The following SPAST variants were observed in gnomAD, a reference collection of about 807,000 sequenced individuals.
The protein encoded by SPAST is spastin.
Under a neutral mutation model 76.6 loss-of-function variants are expected in SPAST, and 30 were observed. The ratio of observed to expected loss-of-function variants is 0.39; its 90% CI spans 0.29 to 0.53. SPAST has a LOEUF of 0.53. Ranked by LOEUF, SPAST falls within the 20% of genes least tolerant of loss-of-function variation. SPAST has a pLI of 0.68. For missense variants in SPAST, 717 were observed against 770.5 expected (o/e 0.93, Z 0.82); for synonymous variants, 305 against 281.0 (o/e 1.09, Z -0.86).
In SPAST at chr2:32,122,639, T is replaced by C. The variant is rs1679057830; in HGVS notation, c.1099-4309T>C. ...ACCTGGGCTGAAATTACTGTTTTTA[T>C]AGGTCAAAAACAGTTGAGGGATAGG... On this transcript the variant is annotated intron_variant, in intron 7 of 16. Coordinates refer to ENST00000315285, the MANE Select transcript of SPAST (RefSeq NM_014946.4). Among the ~76,000 whole-genome samples, 4 of 152,034 alleles carry C rather than the reference T, an allele frequency of 2.6e-5. No individual in the cohort carries two copies. In the South Asian group the frequency reaches 8.3e-4, roughly 31 times the overall value.
intron 4 of SPAST, among the ~76,000 whole-genome samples, chr2:32,113,598 C>T (rs1381366783): frequency 1.6e-5 from 2 of 125,712 alleles, no homozygotes; most frequent in African/African-American, 6.0e-5. Flanking sequence ...CAGAGTTTCA[C>T]TCTGTCACCC....
rs1264261049 is a variant in SPAST, at chr2:32,066,440, C to T, written c.415+2194C>T. On this transcript the variant is annotated intron_variant, in intron 1 of 16. Transcript: ENST00000315285. Reference sequence around the variant, plus strand: ...ATCCCAACACTTTGGGAGGCCGGGGCGGGTGGATCATGAGGTCAAGAGTTT... The same window carrying T: ...ATCCCAACACTTTGGGAGGCCGGGGTGGGTGGATCATGAGGTCAAGAGTTT... Among the ~76,000 whole-genome samples, 6 of 151,666 alleles carry T rather than the reference C, an allele frequency of 4.0e-5. No individual in the cohort carries two copies. In the East Asian group the frequency reaches 7.8e-4, roughly 20 times the overall value.
In SPAST at chr2:32,114,800, C is replaced by A. The variant is rs1230337524; in HGVS notation, c.845C>A (p.Ser282Tyr). Residue 282 changes from serine to tyrosine, a missense_variant, in exon 5 of 17, where the codon TCT (serine) becomes TAT (tyrosine). Around this residue, in one of 3 missense-constraint regions of SPAST, gnomAD observed 543 missense variants for 445.2 expected, o/e 1.22. Transcript: ENST00000315285. ...ATGGTTTCTGGAGTGAAACAGGGAT[C>A]TGGTCCTGCTCCTACCACTCATAAG... is the stretch of plus-strand genomic sequence containing the variant. Reference protein sequence around the residue: ...LSMVSGVKQGSGPAPTTHKGT... With the variant: ...LSMVSGVKQGYGPAPTTHKGT... 2 of 1,613,940 alleles carry A rather than the reference C, an allele frequency of 1.2e-6. No individual in the cohort carries two copies. Among genetic ancestry groups the A allele is most frequent in the Admixed American group, 3.3e-5 (2 of 59,996 alleles).
chr2:32,110,112 T>G (rs577862954), intron 4 of SPAST, among the ~76,000 whole-genome samples: 97 of 148,162 alleles, frequency 6.5e-4, no homozygotes, highest in Admixed American at 2.7e-3. Context: ...TTGTTTTTTT[T>G]TTTTGTTTTT....
chr2:32,153,396 C>G (rs532241570), intron 16 of SPAST, among the ~76,000 whole-genome samples: 2 of 149,476 alleles, frequency 1.3e-5, no homozygotes, highest in Non-Finnish European at 3.0e-5. Flanking sequence ...GATCTCGGCT[C>G]ACTTACAACC....
chr2:32,086,830 CAAA>C (rs956417060), intron 1 of SPAST, among the ~76,000 whole-genome samples: 2 of 151,818 alleles, frequency 1.3e-5, no homozygotes, highest in African/African-American at 4.8e-5. Context: ...AGAAATAAAA[CAAA>C]AAATTAATTT....
chr2:32,095,199 A>C (rs1677872783), intron 3 of SPAST, among the ~76,000 whole-genome samples: 1 of 152,192 alleles, frequency 6.6e-6, no homozygotes, highest in Non-Finnish European at 1.5e-5. Context: ...AAGGTCGAAC[A>C]ACTAGATTTG....
intron 4 of SPAST, among the ~76,000 whole-genome samples, chr2:32,100,304 C>G (rs1303375670): frequency 6.9e-6 from 1 of 145,904 alleles, no homozygotes; most frequent in Non-Finnish European, 1.5e-5. Context: ...GACGGTCCAG[C>G]TAGTTTTATT....
intron 3 of SPAST, among the ~76,000 whole-genome samples, chr2:32,091,944 T>G (rs1477825323): frequency 6.6e-6 from 1 of 152,174 alleles, no homozygotes; most frequent in African/African-American, 2.4e-5. Flanking sequence ...TAATAATATC[T>G]CATATTTTTG....
At chr2:32,151,119 T>G (rs1680070912) in intron 16 of SPAST, among the ~76,000 whole-genome samples, 2 of 151,976 alleles carry the variant, frequency 1.3e-5, no homozygotes, top group South Asian at 4.2e-4. Flanking sequence ...TAATTTTGTG[T>G]TTTTGTAGAG....
At chr2:32,136,768 A>G (rs902511510) in intron 10 of SPAST, 109 bp from the exon 11 acceptor site, 2 of 1,200,500 alleles carry the variant, frequency 1.7e-6, no homozygotes, top group African/African-American at 1.5e-5. Flanking sequence ...AAGACTATCT[A>G]ATGAATTTAG....
At chr2:32,152,237 ATAGACT>A (rs1225511387) in intron 16 of SPAST, among the ~76,000 whole-genome samples, 1 of 152,320 alleles carries the variant, frequency 6.6e-6, no homozygotes, top group South Asian at 2.1e-4. Flanking sequence ...ATATCAAACT[ATAGACT>A]TAAAGTACAA....
At chr2:32,137,067 T>A in intron 11 of SPAST, 42 bp from the exon 12 acceptor site, 1 of 1,573,426 alleles carries the variant, frequency 6.4e-7, no homozygotes, top group Non-Finnish European at 8.7e-7. Context: ...ATATTTGTTA[T>A]TACTTTTCTA....
chr2:32,117,839 C>A (rs547677965), intron 7 of SPAST, among the ~76,000 whole-genome samples: 89 of 152,086 alleles, frequency 5.9e-4, no homozygotes, highest in Admixed American at 5.8e-3. Context: ...GCATGAAGAA[C>A]AATTTTTAAA....
Position 32,125,360 on chromosome 2 carries a change from A to G in SPAST, c.1099-1588A>G, listed in dbSNP as rs547297377. On this transcript the variant is annotated intron_variant, in intron 7 of 16. Transcript: ENST00000315285. Reference sequence around the variant, plus strand: ...TGCCTCAACCTCCCGAGTAGCTGAGATTACAGGCATGTGCCACCACGCCCA... The same window carrying G: ...TGCCTCAACCTCCCGAGTAGCTGAGGTTACAGGCATGTGCCACCACGCCCA... Among the ~76,000 whole-genome samples, 40 of 152,156 alleles carry G rather than the reference A, an allele frequency of 2.6e-4. No homozygotes were observed. In the East Asian group the frequency reaches 6.4e-3, roughly 24 times the overall value.
At chr2:32,077,098 A>T (rs1234967985) in intron 1 of SPAST, among the ~76,000 whole-genome samples, 1 of 151,312 alleles carries the variant, frequency 6.6e-6, no homozygotes, top group East Asian at 1.9e-4. Context: ...CTGATCTCGA[A>T]CTCTTGACCT....
At chr2:32,065,510 A>C (rs1301608177) in intron 1 of SPAST, among the ~76,000 whole-genome samples, 2 of 152,214 alleles carry the variant, frequency 1.3e-5, no homozygotes, top group South Asian at 4.1e-4. Flanking sequence ...GAGGCCCAAA[A>C]GATAAAGGAG....
Position 32,063,920 on chromosome 2 carries a change from C to A in SPAST, c.89C>A (p.Ala30Asp). The A allele has an allele frequency of 6.3e-7, 1 of 1,588,428 alleles. No homozygotes were observed. Among genetic ancestry groups the A allele is most frequent in the Non-Finnish European group, 8.6e-7 (1 of 1,167,954 alleles). ...VPPRPPPPCL[A>D]PAPPAAGPAP... ...CCCAGGCCTCCGCCCCCTTGCCTGG[C>A]CCCCGCCCCTCCCGCCGCCGGGCCG... The change falls in exon 1 of 17, where the codon GCC becomes GAC. Residue 30 changes from alanine to aspartate, a missense_variant. By Grantham distance (126) the Ala-to-Asp change is moderately radical (BLOSUM62 -2). Around this residue, in one of 3 missense-constraint regions of SPAST, gnomAD observed 543 missense variants for 445.2 expected, o/e 1.22. Coordinates refer to ENST00000315285, the MANE Select transcript of SPAST (RefSeq NM_014946.4).
intron 1 of SPAST, among the ~76,000 whole-genome samples, chr2:32,085,113 G>C (rs1184717944): frequency 6.6e-6 from 1 of 151,294 alleles, no homozygotes; most frequent in Admixed American, 6.6e-5. Context: ...CATGTAAACA[G>C]GTGTTTTCTT....
Sources: allele counts gnomAD v4.1 joint callset (sites outside exome capture counted in the v4.1 genomes callset), GRCh38; gene constraint gnomAD v4.1.1; regional missense constraint gnomAD v4.1.1; transcripts MANE v1.5; gene names NCBI Gene and HGNC (gene_info 2026-07-23, HGNC 2026-07-21).